The following PDCD4 variants were observed in gnomAD, a reference collection of about 807,000 sequenced individuals.
PDCD4 encodes programmed cell death protein 4.
Under a neutral mutation model 54.0 loss-of-function variants are expected in PDCD4, and 56 were observed. That is an observed-to-expected ratio of 1.04 (90% CI 0.84 to 1.30). The LOEUF is 1.30. PDCD4 is among the 50% of genes most tolerant of loss of function. PDCD4 has a pLI of 0.00. For missense variants in PDCD4, 584 were observed against 559.8 expected, an observed-to-expected ratio of 1.04 and a Z score of -0.44; for synonymous variants, 186 against 194.8, an observed-to-expected ratio of 0.95 and a Z score of 0.37.
intron 2 of PDCD4, among the ~76,000 whole-genome samples, chr10:110,878,527 A>G (rs1194301979): frequency 6.6e-6 from 1 of 152,186 alleles, no homozygotes. Context: ...CTCTTACACG[A>G]AAATGTCATC....
rs762681102 is a variant in PDCD4, at chr10:110,890,703, A to T, written c.990+33A>T. ...TTGGGTATTGTTTTTAACTTAATTT[A>T]TATGTATTCCTCTGAGTGAAATAAA... On this transcript the variant is annotated intron_variant, in intron 8 of 11. Transcript: ENST00000280154. 7.3e-6 allele frequency: 10 copies of T among 1,365,514 alleles called. No individual in the cohort carries two copies. In the South Asian group the frequency reaches 1.1e-4, roughly 15 times the overall value. The allele number at this position is 1,365,514 out of a possible 1,614,324, so 84.6% of individuals were successfully genotyped here. A position where few individuals can be genotyped will look rare whatever the true frequency, so the allele number is the denominator to read the frequency against.
chr10:110,888,182 T>C (rs1438988424), intron 6 of PDCD4, among the ~76,000 whole-genome samples: 2 of 152,054 alleles, frequency 1.3e-5, no homozygotes, highest in Admixed American at 1.3e-4. Flanking sequence ...TATATGTAGT[T>C]GTTTTATTAG....
At chr10:110,872,410 T>C (rs1219691979) in intron 1 of PDCD4, among the ~76,000 whole-genome samples, 4 of 152,128 alleles carry the variant, frequency 2.6e-5, no homozygotes, top group Non-Finnish European at 5.9e-5. Flanking sequence ...GGAAGGCGTG[T>C]TTCCGGCTGG....
chr10:110,879,308 TAGC>T (rs60447805), intron 2 of PDCD4, among the ~76,000 whole-genome samples: 10,760 of 152,176 alleles, frequency 0.071, 784 homozygotes, highest in East Asian at 0.32. Flanking sequence ...TGGGAGTAGT[TAGC>T]AGTGATTCTG....
chr10:110,897,667 T>G (rs576043502), intron 11 of PDCD4, among the ~76,000 whole-genome samples: 6 of 152,324 alleles, frequency 3.9e-5, no homozygotes, highest in Admixed American at 3.9e-4. Flanking sequence ...AATTCTGAAT[T>G]ATGTTAGTGT....
chr10:110,899,774 A>G lies in PDCD4; in HGVS notation c.*1686A>G, dbSNP rs1445472299. The G allele has an allele frequency of 6.7e-6, 1 of 148,550 alleles. No individual in the cohort carries two copies. The highest frequency in any genetic ancestry group is 1.5e-5 in the Non-Finnish European group (1 of 66,986). 9.2% of individuals were successfully genotyped at this position (148,550 alleles called of 1,614,324 possible). A position where few individuals can be genotyped will look rare whatever the true frequency, so the allele number is the denominator to read the frequency against. ...ATGGTGCCATTGCTCTCGTTTGGGCAACAAGAGTGAAACTCTTGTCTCAAA... is the reference window on the plus strand; with the variant it reads ...ATGGTGCCATTGCTCTCGTTTGGGCGACAAGAGTGAAACTCTTGTCTCAAA... On this transcript the variant is annotated 3_prime_UTR_variant, in exon 12 of 12. Transcript: ENST00000280154.
rs1004087378 is a variant in PDCD4, at chr10:110,875,922, T to C, written c.-62-44T>C. The C allele has an allele frequency of 4.5e-6, 4 of 887,350 alleles. No individual in the cohort carries two copies. In the African/African-American group the frequency reaches 7.0e-5, roughly 16 times the overall value. 55.0% of individuals were successfully genotyped at this position (887,350 alleles called of 1,614,324 possible). A position where few individuals can be genotyped will look rare whatever the true frequency, so the allele number is the denominator to read the frequency against. ...GTTTAATTCAGCTTAATTACATCAG[T>C]TTAAAAGATCTTGAAGCTTTCTTTT... On this transcript the variant is annotated intron_variant, in intron 1 of 11. Coordinates refer to ENST00000280154, the MANE Select transcript of PDCD4 (RefSeq NM_014456.5).
rs1475717019 is a variant in PDCD4, at chr10:110,887,660, A to T, written c.556-5A>T. The T allele has an allele frequency of 1.9e-6, 3 of 1,590,276 alleles. No individual in the cohort carries two copies. In the East Asian group the frequency reaches 6.7e-5, roughly 36 times the overall value. On this transcript the variant is annotated splice_region_variant and splice_polypyrimidine_tract_variant and intron_variant, in intron 5 of 11. Coordinates refer to ENST00000280154, the MANE Select transcript of PDCD4 (RefSeq NM_014456.5). The stretch of plus-strand genomic sequence containing the variant: ...AAAATGTTTTTAAATTATTTTTTTG[A>T]ACAGGAAATGTTAAGAGATTTAAAT...
At position 110,887,666 on chromosome 10, in the gene PDCD4, A is replaced by T; in HGVS notation, c.557A>T (p.Glu186Val). The T allele has an allele frequency of 6.2e-7, 1 of 1,600,168 alleles. No individual in the cohort carries two copies. Among genetic ancestry groups the T allele is most frequent in the Non-Finnish European group, 8.6e-7 (1 of 1,169,186 alleles). The change falls in exon 6 of 12, where the codon GAA becomes GTA. Residue 186 changes from glutamate to valine, a missense_variant and splice_region_variant. Coordinates refer to ENST00000280154, the MANE Select transcript of PDCD4 (RefSeq NM_014456.5). ...TTTTTAAATTATTTTTTTGAACAGG[A>T]AATGTTAAGAGATTTAAATCTTGGT... is the stretch of plus-strand genomic sequence containing the variant. ...FEHGDTNEVA[E>V]MLRDLNLGEM...
chr10:110,886,913 A>C (rs1845677523), intron 5 of PDCD4, among the ~76,000 whole-genome samples: 1 of 152,284 alleles, frequency 6.6e-6, no homozygotes, highest in East Asian at 1.9e-4. Flanking sequence ...AAAAGTGTGA[A>C]GTGAATTTTT....
At chr10:110,893,216 A>G (rs775047025) in intron 8 of PDCD4, among the ~76,000 whole-genome samples, 12 of 151,982 alleles carry the variant, frequency 7.9e-5, no homozygotes, top group Non-Finnish European at 1.6e-4. Flanking sequence ...TGCTTTAAAT[A>G]TTTACTTACA....
intron 1 of PDCD4, among the ~76,000 whole-genome samples, chr10:110,872,540 G>A (rs1314231643): frequency 6.6e-6 from 1 of 152,186 alleles, no homozygotes; most frequent in East Asian, 1.9e-4. Flanking sequence ...CCCCGGCCCA[G>A]CCCCTTCCGG....
rs1474987377 is a variant in PDCD4, at chr10:110,899,417, T to C, written c.*1329T>C. The C allele has an allele frequency of 1.3e-5, 2 of 152,362 alleles. No individual in the cohort carries two copies. The highest frequency in any genetic ancestry group is 4.8e-5 in the African/African-American group (2 of 41,594). The allele number at this position is 152,362 out of a possible 1,614,324, so 9.4% of individuals were successfully genotyped here. On this transcript the variant is annotated 3_prime_UTR_variant, in exon 12 of 12. Transcript: ENST00000280154. ...TTTTAATTGTTTGACACTTGGATGA[T>C]AAATGCAGTCATTTTATTCTCAAGT...
chr10:110,874,954 A>G (rs1021911818), intron 1 of PDCD4, among the ~76,000 whole-genome samples: 2 of 152,124 alleles, frequency 1.3e-5, no homozygotes, highest in African/African-American at 4.8e-5. Flanking sequence ...TGTGCATTTT[A>G]TATCTCTGAA....
At chr10:110,897,927 C>T in intron 11 of PDCD4, 101 bp from the exon 12 acceptor site, 2 of 685,386 alleles carry the variant, frequency 2.9e-6, no homozygotes, top group Non-Finnish European at 2.3e-6. Flanking sequence ...CCTTTAAAAG[C>T]TAACACGTAA....
At position 110,885,200 on chromosome 10, in the gene PDCD4, T is replaced by C. The variant is rs116719306; in HGVS notation, c.442-53T>C. 1,122 of 804,410 alleles carry C rather than the reference T, an allele frequency of 1.4e-3. 11 individuals are homozygous for C. In the African/African-American group the frequency reaches 0.018, roughly 13 times the overall value. The allele number at this position is 804,410 out of a possible 1,614,324, so 49.8% of individuals were successfully genotyped here. A position where few individuals can be genotyped will look rare whatever the true frequency, so the allele number is the denominator to read the frequency against. ...ATATAAAATTGTACAACAATTTCACTTGTTTATTTGCATTTTGTTTTTTAT... is the reference window on the plus strand; with the variant it reads ...ATATAAAATTGTACAACAATTTCACCTGTTTATTTGCATTTTGTTTTTTAT... On this transcript the variant is annotated intron_variant, in intron 4 of 11. Transcript: ENST00000280154.
rs1845742954 is a variant in PDCD4 at position 110,890,752 on chromosome 10, T to C, written c.990+82T>C. On this transcript the variant is annotated intron_variant, in intron 8 of 11. Coordinates refer to ENST00000280154, the MANE Select transcript of PDCD4 (RefSeq NM_014456.5). ...AATTGTGGCTACTAGCTGGTATTTT[T>C]ATGGACAAAAATTAAGTTCGGTCTT... 36 of 772,148 alleles carry C rather than the reference T, an allele frequency of 4.7e-5. No individual in the cohort carries two copies. The South Asian group carries it at 8.4e-4, about 18-fold the overall frequency. The allele number at this position is 772,148 out of a possible 1,614,324, so 47.8% of individuals were successfully genotyped here.
At chr10:110,893,965 A>G (rs1241166742) in intron 8 of PDCD4, 126 bp from the exon 9 acceptor site, 3 of 588,150 alleles carry the variant, frequency 5.1e-6, no homozygotes, top group Non-Finnish European at 9.3e-6. Context: ...CATCCAATGT[A>G]TATGTTATTA....
intron 4 of PDCD4, among the ~76,000 whole-genome samples, chr10:110,883,339 A>G (rs1308032426): frequency 6.6e-6 from 1 of 152,176 alleles, no homozygotes; most frequent in Non-Finnish European, 1.5e-5. Flanking sequence ...TTCTGTTAAT[A>G]TAGTTTGTTT....
Sources: gnomAD v4.1 joint callset for allele counts (sites outside exome capture counted in the v4.1 genomes callset) on GRCh38, gnomAD v4.1.1 for gene constraint, MANE v1.5 for transcripts, NCBI Gene and HGNC (gene_info 2026-07-23, HGNC 2026-07-21) for gene names.